PRMT7: variants seen among roughly 807,000 people sequenced by gnomAD.
PRMT7 encodes protein arginine methyltransferase 7.
Under a neutral mutation model 85.4 loss-of-function variants are expected in PRMT7, and 75 were observed. The observed-to-expected ratio is 0.88, with a 90% CI of 0.73 to 1.06. PRMT7 has a LOEUF of 1.06. Among genes scored for constraint, PRMT7 ranks in the 50% least tolerant of loss-of-function variants. The pLI, the probability that PRMT7 is intolerant of heterozygous loss-of-function variation, is 0.00. For synonymous variants in PRMT7, 397 were observed against 359.5 expected, an observed-to-expected ratio of 1.10 and a Z score of -1.18; for missense variants, 868 against 915.2, an observed-to-expected ratio of 0.95 and a Z score of 0.67.
intron 3 of PRMT7, among the ~76,000 whole-genome samples, chr16:68,320,656 A>T (rs1018340096): frequency 1.3e-5 from 2 of 152,092 alleles, no homozygotes; most frequent in African/African-American, 4.8e-5. Context: ...TGCTGCAGAG[A>T]TTTGTTTATG....
At chr16:68,317,142 G>A (rs557771568) in intron 3 of PRMT7, among the ~76,000 whole-genome samples, 34 of 150,292 alleles carry the variant, frequency 2.3e-4, no homozygotes, top group Non-Finnish European at 3.7e-4. Flanking sequence ...GGAGGCTGAG[G>A]CAGGAAAATC....
At chr16:68,339,223 C>G (rs1478477615) in intron 7 of PRMT7, 99 bp from the exon 8 acceptor site, 1 of 1,511,440 alleles carries the variant, frequency 6.6e-7, no homozygotes, top group African/African-American at 1.4e-5. Flanking sequence ...ATTACTGAAC[C>G]AACCTAATGT....
intron 5 of PRMT7, among the ~76,000 whole-genome samples, chr16:68,328,771 T>G (rs1002958664): frequency 6.6e-6 from 1 of 152,114 alleles, no homozygotes; most frequent in Non-Finnish European, 1.5e-5. Context: ...CAAGTCCCTT[T>G]CCTGGCTTTT....
chr16:68,324,812 G>T lies in PRMT7; in HGVS notation c.262G>T (p.Asp88Tyr). The change falls in exon 5 of 19, where the codon GAC becomes TAC. Residue 88 changes from aspartate (D) to tyrosine (Y), a missense_variant. Transcript: ENST00000441236. The part of the protein sequence containing the change: ...LSMMAVTAGA[D>Y]FCYAIEVFKP... ...AATGATGGCGGTCACAGCAGGTGCC[G>T]ACTTCTGCTATGCCATCGAGGTAAG... is the stretch of plus-strand genomic sequence containing the variant. 1 of 1,614,082 alleles carries T rather than the reference G, an allele frequency of 6.2e-7. No homozygotes were observed. The highest frequency in any genetic ancestry group is 1.1e-5 in the South Asian group (1 of 91,064).
In PRMT7 at chr16:68,357,569, G is replaced by GCTGGCCGGTGGGA. The variant is rs1338272965; in HGVS notation, c.*345_*346insCTGGCCGGTGGGA. ...GGAGCTTGTGGGGCTGGCCGGTGGG[G>GCTGGCCGGTGGGA]TTGTCCACGCCGCCCTTGGCGAGCA... is the stretch of plus-strand genomic sequence containing the variant. On this transcript the variant is annotated 3_prime_UTR_variant, in exon 19 of 19. Coordinates refer to ENST00000441236, the MANE Select transcript of PRMT7 (RefSeq NM_019023.5). 2.2e-5 allele frequency: 5 copies of GCTGGCCGGTGGGA among 230,610 alleles called. No homozygotes were observed. Among genetic ancestry groups the GCTGGCCGGTGGGA allele is most frequent in the Non-Finnish European group, 3.4e-5 (4 of 119,102 alleles). 14.3% of individuals were successfully genotyped at this position (230,610 alleles called of 1,614,324 possible).
chr16:68,341,277 GT>G (rs2085493280), intron 9 of PRMT7, among the ~76,000 whole-genome samples: 1 of 152,162 alleles, frequency 6.6e-6, no homozygotes, highest in Non-Finnish European at 1.5e-5. Flanking sequence ...CCCACCCACT[GT>G]TCAGACAAAA....
intron 10 of PRMT7, 163 bp from the exon 11 acceptor site, chr16:68,345,982 T>TG: frequency 7.6e-7 from 1 of 1,319,070 alleles, no homozygotes; most frequent in Non-Finnish European, 1.0e-6. Flanking sequence ...GAGGCTGTCA[T>TG]GGGTTGCTGG....
chr16:68,351,536 T>A (rs10852441), intron 14 of PRMT7: 79,783 of 152,514 alleles, frequency 0.52, 21,415 homozygotes, highest in East Asian at 0.79. Context: ...CCGGGATGAG[T>A]CCAGCCCCTC....
chr16:68,326,526 G>A (rs2083140996), intron 5 of PRMT7, among the ~76,000 whole-genome samples: 2 of 152,222 alleles, frequency 1.3e-5, no homozygotes, highest in Non-Finnish European at 2.9e-5. Flanking sequence ...GATTACAGGT[G>A]TGAATCACTG....
chr16:68,322,127 C>G (rs947239117), intron 4 of PRMT7, among the ~76,000 whole-genome samples: 1 of 152,064 alleles, frequency 6.6e-6, no homozygotes, highest in African/African-American at 2.4e-5. Context: ...TACTATTATA[C>G]CTAGTATTGG....
chr16:68,328,320 C>G (rs147713014), intron 5 of PRMT7: 1 of 154,754 alleles, frequency 6.5e-6, no homozygotes, highest in Non-Finnish European at 1.4e-5. Flanking sequence ...GTAAGCCCTG[C>G]GTCTGAGCCA....
chr16:68,322,485 A>ACTG, intron 4 of PRMT7: 1 of 427,056 alleles, frequency 2.3e-6, no homozygotes. Context: ...GGCATGAGCT[A>ACTG]CTGCGCCCGG....
At position 68,315,972 on chromosome 16, in the gene PRMT7, T is replaced by G. The variant is rs2044692787; in HGVS notation, c.-8T>G. ...TTCTGTGCTAAAACTGGGGAGCTAG[T>G]GGGCACCATGAAGATCTTCTGCAGT... On this transcript the variant is annotated 5_prime_UTR_variant, in exon 3 of 19. Coordinates refer to ENST00000441236, the MANE Select transcript of PRMT7 (RefSeq NM_019023.5). 1.9e-6 allele frequency: 3 copies of G among 1,613,044 alleles called. No homozygotes were observed. In the South Asian group the frequency reaches 3.3e-5, roughly 18 times the overall value.
intron 14 of PRMT7, among the ~76,000 whole-genome samples, chr16:68,349,347 G>T (rs944575108): frequency 6.6e-6 from 1 of 152,020 alleles, no homozygotes; most frequent in Non-Finnish European, 1.5e-5. Flanking sequence ...CATCAGAGCC[G>T]GCCTTCACTC....
At chr16:68,320,976 AC>A (rs2151430301) in intron 3 of PRMT7, among the ~76,000 whole-genome samples, 1 of 152,128 alleles carries the variant, frequency 6.6e-6, no homozygotes, top group Non-Finnish European at 1.5e-5. Context: ...CTAAAAATAA[AC>A]AAAAAAATAG....
Position 68,352,318 on chromosome 16 carries a change from A to T in PRMT7, c.1484A>T (p.Tyr495Phe). ...CCGTGGCACAACCTCTACTTCTGGT[A>T]CGTGCGGACCGCTGTGGACCAGCAC... Reference protein sequence around the residue: ...LLPWHNLYFWYVRTAVDQHLG... With the variant: ...LLPWHNLYFWFVRTAVDQHLG... The change falls in exon 15 of 19, where the codon TAC becomes TTC. Residue 495 changes from tyrosine (Y) to phenylalanine (F), a missense_variant. Tyr to Phe is a conservative substitution (Grantham distance 22). Transcript: ENST00000441236. 1 of 1,613,310 alleles carries T rather than the reference A, an allele frequency of 6.2e-7. No homozygotes were observed. Among genetic ancestry groups the T allele is most frequent in the Non-Finnish European group, 8.5e-7 (1 of 1,179,990 alleles).
intron 3 of PRMT7, among the ~76,000 whole-genome samples, chr16:68,317,219 C>T (rs1169448583): frequency 8.7e-6 from 1 of 114,626 alleles, no homozygotes; most frequent in Admixed American, 1.2e-4. Flanking sequence ...GCCTGGGTAA[C>T]AGAGTGAGAC....
rs747381530 is a variant in PRMT7, at chr16:68,311,036, C to A, written c.-282C>A. The A allele has an allele frequency of 3.9e-6, 4 of 1,027,236 alleles. No homozygotes were observed. In the Admixed American group the frequency reaches 8.0e-5, roughly 21 times the overall value. 63.6% of individuals were successfully genotyped at this position (1,027,236 alleles called of 1,614,324 possible). On this transcript the variant is annotated 5_prime_UTR_variant, in exon 1 of 19. Coordinates refer to ENST00000441236, the MANE Select transcript of PRMT7 (RefSeq NM_019023.5). ...CGCTCCTCGACGCTGCGAGGTCCCGCCCCGCGTGCTGGCCGCGGTAAAAGT... is the reference window on the plus strand; with the variant it reads ...CGCTCCTCGACGCTGCGAGGTCCCGACCCGCGTGCTGGCCGCGGTAAAAGT...
intron 9 of PRMT7, among the ~76,000 whole-genome samples, chr16:68,343,430 G>A (rs140854967): frequency 5.5e-4 from 84 of 152,216 alleles, no homozygotes; most frequent in Non-Finnish European, 2.1e-4. Context: ...CTCTACCAGC[G>A]TTGACTTTTG....
Sources: gnomAD v4.1 joint callset for allele counts (sites outside exome capture counted in the v4.1 genomes callset) on GRCh38, gnomAD v4.1.1 for gene constraint, MANE v1.5 for transcripts, NCBI Gene and HGNC (gene_info 2026-07-23, HGNC 2026-07-21) for gene names.